The following ELL3 variants were observed in gnomAD, a reference collection of about 807,000 sequenced individuals.
ELL3 encodes the protein RNA polymerase II elongation factor ELL3.
A neutral mutation model predicts 58.5 loss-of-function variants in ELL3; 48 were observed. The ratio of observed to expected loss-of-function variants is 0.82; its 90% CI spans 0.65 to 1.04. ELL3 has a LOEUF of 1.04. Ranked by LOEUF, ELL3 falls within the 50% of genes least tolerant of loss-of-function variation. ELL3 has a pLI of 0.00. For missense variants in ELL3, 458 were observed against 478.4 expected (o/e 0.96, Z 0.40); for synonymous variants, 174 against 173.2 (o/e 1.00, Z -0.04).
At position 43,773,165 on chromosome 15, in the gene ELL3, T is replaced by C. The variant is rs1345600979; in HGVS notation, c.1145A>G (p.His382Arg). The part of the protein sequence containing the change: ...RCEYLHQKLS[H>R]IKGLILEFEE... ...AAACTCCAGGATGAGACCTTTAATG[T>C]GGGACAATTTCTGGTGAAGGTACTC... Residue 382 changes from histidine to arginine, a missense_variant, in exon 11 of 11, where the codon CAC becomes CGC. By Grantham distance (29) the His-to-Arg change is conservative. Coordinates refer to ENST00000319359, the MANE Select transcript of ELL3 (RefSeq NM_025165.3). 2 of 1,613,944 alleles carry C rather than the reference T, an allele frequency of 1.2e-6. No homozygotes were observed. Among genetic ancestry groups the C allele is most frequent in the Non-Finnish European group, 1.7e-6 (2 of 1,179,976 alleles).
chr15:43,775,388 T>A lies in ELL3; in HGVS notation c.570-7A>T. 1 of 1,613,180 alleles carries A rather than the reference T, an allele frequency of 6.2e-7. No homozygotes were observed. The highest frequency in any genetic ancestry group is 8.5e-7 in the Non-Finnish European group (1 of 1,179,306). The stretch of plus-strand genomic sequence containing the variant: ...TGGAACATGGGTCTGGCTTCTAGGA[T>A]ATTTTAAGGGAATGGGACAGATGAA... On this transcript the variant is annotated splice_polypyrimidine_tract_variant and splice_region_variant and intron_variant, in intron 5 of 10. Transcript: ENST00000319359.
At chr15:43,774,886 C>T (rs1046711516) in intron 6 of ELL3, 113 bp from the exon 7 acceptor site, 21 of 1,192,314 alleles carry the variant, frequency 1.8e-5, no homozygotes, top group African/African-American at 4.7e-5. Context: ...TAATCCTGAC[C>T]GTTTCAGAGG....
At chr15:43,775,053 G>A (rs1434601147) in intron 6 of ELL3, among the ~76,000 whole-genome samples, 1 of 151,810 alleles carries the variant, frequency 6.6e-6, no homozygotes, top group Admixed American at 6.6e-5. Flanking sequence ...AGGCTGTGGT[G>A]AGCCGTGATC....
Position 43,775,843 on chromosome 15 carries a change from G to T in ELL3, c.362C>A (p.Ala121Asp). The T allele has an allele frequency of 1.2e-6, 2 of 1,614,194 alleles. No homozygotes were observed. The highest frequency in any genetic ancestry group is 1.7e-6 in the Non-Finnish European group (2 of 1,180,034). Residue 121 changes from alanine to aspartate, a missense_variant, in exon 4 of 11, where the codon GCC becomes GAC. Transcript: ENST00000319359. ...GTTGTGTCCCTGAACTGATGATGGGGCTGGGATAGAATCCATGGCTGCCCA... is the reference window on the plus strand; with the variant it reads ...GTTGTGTCCCTGAACTGATGATGGGTCTGGGATAGAATCCATGGCTGCCCA... ...IIWAAMDSIPAPSSVQGHNLT... is the reference protein window; with the variant it reads ...IIWAAMDSIPDPSSVQGHNLT...
rs1567161929 is a variant in ELL3 at position 43,775,834 on chromosome 15, G to A, written c.371C>T (p.Ser124Leu). The change falls in exon 4 of 11, where the codon TCA (serine) becomes TTA (leucine). Residue 124 changes from serine to leucine, a missense_variant. Ser to Leu is a moderately radical substitution (Grantham distance 145). Coordinates refer to ENST00000319359, the MANE Select transcript of ELL3 (RefSeq NM_025165.3). Reference sequence around the variant, plus strand: ...TTCAGTCAGGTTGTGTCCCTGAACTGATGATGGGGCTGGGATAGAATCCAT... The same window carrying A: ...TTCAGTCAGGTTGTGTCCCTGAACTAATGATGGGGCTGGGATAGAATCCAT... ...AAMDSIPAPS[S>L]VQGHNLTEDA... 1 of 1,614,216 alleles carries A rather than the reference G, an allele frequency of 6.2e-7. No homozygotes were observed. The highest frequency in any genetic ancestry group is 2.2e-5 in the East Asian group (1 of 44,884).
rs2086901562 is a variant in ELL3, at chr15:43,774,645, T to A, written c.774A>T (p.Glu258Asp). The change falls in exon 7 of 11, where the codon GAA (glutamate) becomes GAT (aspartate). Residue 258 changes from glutamate (E) to aspartate (D), a missense_variant. Physicochemically the swap from Glu to Asp is conservative, Grantham distance 45. Coordinates refer to ENST00000319359, the MANE Select transcript of ELL3 (RefSeq NM_025165.3). Reference sequence around the variant, plus strand: ...CTAATCTGGGGTCCATGTCCTCATCTTCTTGCTCCCAATCTTCTCCCTCTT... The same window carrying A: ...CTAATCTGGGGTCCATGTCCTCATCATCTTGCTCCCAATCTTCTCCCTCTT... ...DLQEGEDWEQ[E>D]DEDMDPRLEH... 2 of 1,614,214 alleles carry A rather than the reference T, an allele frequency of 1.2e-6. No homozygotes were observed. Among genetic ancestry groups the A allele is most frequent in the Non-Finnish European group, 1.7e-6 (2 of 1,180,042 alleles).
At chr15:43,774,135 G>T (rs2086897656) in intron 9 of ELL3, 47 bp downstream of exon 9, 1 of 1,602,070 alleles carries the variant, frequency 6.2e-7, no homozygotes, top group Non-Finnish European at 8.5e-7. Flanking sequence ...TTAGCAGGGG[G>T]TTAATGGCCA....
intron 6 of ELL3, 26 bp from the exon 7 acceptor site, chr15:43,774,799 A>C (rs1262787577): frequency 6.4e-7 from 1 of 1,571,458 alleles, no homozygotes; most frequent in Non-Finnish European, 8.6e-7. Flanking sequence ...TCTGTGTGAC[A>C]TAAACAGCCA....
rs186523496 is a variant in ELL3 at position 43,773,466 on chromosome 15, G to A, written c.1039-118C>T. On this transcript the variant is annotated intron_variant, in intron 9 of 10. Coordinates refer to ENST00000319359, the MANE Select transcript of ELL3 (RefSeq NM_025165.3). ...TGGGCGGCTGAGGCAGGCAGATAACGAGGTCAGGAGATCTTGACCATCCTG... is the reference window on the plus strand; with the variant it reads ...TGGGCGGCTGAGGCAGGCAGATAACAAGGTCAGGAGATCTTGACCATCCTG... 2.7e-4 allele frequency: 270 copies of A among 1,014,486 alleles called. 2 individuals carry two copies. In the East Asian group the frequency reaches 5.6e-3, roughly 21 times the overall value. 62.8% of individuals were successfully genotyped at this position (1,014,486 alleles called of 1,614,324 possible). A position where few individuals can be genotyped will look rare whatever the true frequency, so the allele number is the denominator to read the frequency against.
At chr15:43,774,113 G>T in intron 9 of ELL3, 69 bp downstream of exon 9, 1 of 1,572,294 alleles carries the variant, frequency 6.4e-7, no homozygotes, top group Non-Finnish European at 8.7e-7. Flanking sequence ...ATAAACACAG[G>T]TGTATGGATG....
At chr15:43,776,411 TAC>T in intron 2 of ELL3, 96 bp downstream of exon 2, 1 of 1,525,964 alleles carries the variant, frequency 6.6e-7, no homozygotes, top group Non-Finnish European at 8.9e-7. Context: ...AGACCGTGAC[TAC>T]TCGCAGCCTC....
chr15:43,776,864 C>T lies in ELL3; in HGVS notation c.38G>A (p.Arg13Gln). Residue 13 changes from arginine to glutamine, a missense_variant, in exon 1 of 11, where the codon CGG becomes CAG. Arg to Gln is a conservative substitution (Grantham distance 43, BLOSUM62 1). Transcript: ENST00000319359. The stretch of plus-strand genomic sequence containing the variant: ...CCGGGCAGCTTGCGTGAAGCAGAGC[C>T]GGAGCTGTCCTCTCAGAGGCTCCTG... ...ELQEPLRGQL[R>Q]LCFTQAARTS... is the part of the protein sequence containing the mutation. 6.2e-7 allele frequency: 1 copy of T among 1,611,890 alleles called. No homozygotes were observed. Among genetic ancestry groups the T allele is most frequent in the South Asian group, 1.1e-5 (1 of 90,712 alleles).
chr15:43,775,105 G>GAAAAA (rs576043452), intron 6 of ELL3, among the ~76,000 whole-genome samples: 1 of 143,254 alleles, frequency 7.0e-6, no homozygotes, highest in Admixed American at 7.0e-5. Context: ...GTGAGAATAA[G>GAAAAA]AAAAAAAAAA....
In ELL3 at chr15:43,773,030, G is replaced by A. The variant is rs544800114; in HGVS notation, c.*86C>T. 1.6e-6 allele frequency: 2 copies of A among 1,260,310 alleles called. No homozygotes were observed. Among genetic ancestry groups the A allele is most frequent in the South Asian group, 1.5e-5 (1 of 68,392 alleles). 78.1% of individuals were successfully genotyped at this position (1,260,310 alleles called of 1,614,324 possible). A position where few individuals can be genotyped will look rare whatever the true frequency, so the allele number is the denominator to read the frequency against. On this transcript the variant is annotated 3_prime_UTR_variant, in exon 11 of 11. Transcript: ENST00000319359. ...GACTCCAGTGGTCAGCATAAGAAAA[G>A]CAGATAGTTGCATTCTATTTAGTTT...
intron 3 of ELL3, 25 bp from the exon 4 acceptor site, chr15:43,775,948 T>C (rs2086912497): frequency 1.2e-6 from 2 of 1,613,478 alleles, no homozygotes; most frequent in Non-Finnish European, 1.7e-6. Context: ...TGGAAAAAAA[T>C]AGGAGGGTGG....
At chr15:43,776,670 G>T (rs1331796100) in intron 1 of ELL3, 100 bp downstream of exon 1, 1 of 1,546,020 alleles carries the variant, frequency 6.5e-7, no homozygotes, top group East Asian at 2.4e-5. Flanking sequence ...GCCAGAGCTT[G>T]CGGAAGCCGC....
In ELL3 at chr15:43,773,023, A is replaced by T; in HGVS notation, c.*93T>A. ...CACCATGGACTCCAGTGGTCAGCAT[A>T]AGAAAAGCAGATAGTTGCATTCTAT... On this transcript the variant is annotated 3_prime_UTR_variant, in exon 11 of 11. Coordinates refer to ENST00000319359, the MANE Select transcript of ELL3 (RefSeq NM_025165.3). The T allele has an allele frequency of 8.2e-7, 1 of 1,224,000 alleles. No individual in the cohort carries two copies. The highest frequency in any genetic ancestry group is 1.2e-6 in the Non-Finnish European group (1 of 869,456). 75.8% of individuals were successfully genotyped at this position (1,224,000 alleles called of 1,614,324 possible).
In ELL3 at chr15:43,775,718, C is replaced by T; in HGVS notation, c.483+4G>A. 6.2e-7 allele frequency: 1 copy of T among 1,614,122 alleles called. No homozygotes were observed. Among genetic ancestry groups the T allele is most frequent in the Non-Finnish European group, 8.5e-7 (1 of 1,180,034 alleles). On this transcript the variant is annotated splice_donor_region_variant and intron_variant, in intron 4 of 10. Transcript: ENST00000319359. ...AACTCCCTGCAATTTCTGGCCTCAC[C>T]CACCTCCTCTAGTGCCATCTGTGGC...
At position 43,776,753 on chromosome 15, in the gene ELL3, A is replaced by G; in HGVS notation, c.132+17T>C. 3 of 1,594,766 alleles carry G rather than the reference A, an allele frequency of 1.9e-6. No individual in the cohort carries two copies. The Admixed American group carries it at 5.1e-5, about 27-fold the overall frequency. On this transcript the variant is annotated intron_variant, in intron 1 of 10. Coordinates refer to ENST00000319359, the MANE Select transcript of ELL3 (RefSeq NM_025165.3). ...TCCCTAGGGGCAGTGACTAGAGAAG[A>G]AGGGGGCCGGCCGTACCTGTTGCCG...
Sources: gnomAD v4.1 joint callset for allele counts (sites outside exome capture counted in the v4.1 genomes callset) on GRCh38, gnomAD v4.1.1 for gene constraint, MANE v1.5 for transcripts, NCBI Gene and HGNC (gene_info 2026-07-23, HGNC 2026-07-21) for gene names.